The following AUH variants were observed in gnomAD, a reference collection of about 807,000 sequenced individuals.
AUH encodes methylglutaconyl-CoA hydratase, mitochondrial.
In AUH, 29 loss-of-function variants were observed where a neutral mutation model predicts 42.3. The ratio of observed to expected loss-of-function variants is 0.69; its 90% CI spans 0.51 to 0.93. AUH has a LOEUF of 0.93. Among genes scored for constraint, AUH ranks in the 40% least tolerant of loss-of-function variants. The pLI, the probability that AUH is intolerant of heterozygous loss-of-function variation, is 0.00. For missense variants in AUH, 452 were observed against 438.1 expected, an observed-to-expected ratio of 1.03 and a Z score of -0.28; for synonymous variants, 174 against 166.4, an observed-to-expected ratio of 1.05 and a Z score of -0.35.
chr9:91,236,627 G>A (rs1053307849), intron 6 of AUH, among the ~76,000 whole-genome samples: 2 of 152,154 alleles, frequency 1.3e-5, no homozygotes, highest in Non-Finnish European at 2.9e-5. Flanking sequence ...GCAGGAAATC[G>A]AGATTCAGAA....
intron 4 of AUH, among the ~76,000 whole-genome samples, chr9:91,305,837 T>C (rs1587821850): frequency 6.6e-6 from 1 of 151,942 alleles, no homozygotes; most frequent in Non-Finnish European, 1.5e-5. Context: ...GGTTTCAGGG[T>C]TTTGCTCTTA....
chr9:91,234,873 T>G (rs976227696), intron 6 of AUH, among the ~76,000 whole-genome samples: 1 of 144,798 alleles, frequency 6.9e-6, no homozygotes, highest in African/African-American at 2.6e-5. Flanking sequence ...TTAGATTGGG[T>G]GGTTGGAGAA....
intron 6 of AUH, among the ~76,000 whole-genome samples, chr9:91,240,248 T>A (rs1372156374): frequency 6.6e-6 from 1 of 152,190 alleles, no homozygotes; most frequent in Non-Finnish European, 1.5e-5. Flanking sequence ...TGTGCATCTG[T>A]CCATTCTTGG....
intron 6 of AUH, among the ~76,000 whole-genome samples, chr9:91,248,915 G>C (rs1042360449): frequency 6.6e-6 from 1 of 152,108 alleles, no homozygotes; most frequent in African/African-American, 2.4e-5. Context: ...TTTGGCTCAC[G>C]GTCAACACTG....
chr9:91,223,455 G>A (rs1048150156), intron 6 of AUH, among the ~76,000 whole-genome samples: 2 of 152,056 alleles, frequency 1.3e-5, no homozygotes, highest in African/African-American at 4.8e-5. Flanking sequence ...ACCACATTTT[G>A]CTTATCCATT....
intron 8 of AUH, 124 bp from the exon 9 acceptor site, chr9:91,216,230 A>G: frequency 2.1e-6 from 2 of 973,928 alleles, no homozygotes; most frequent in Non-Finnish European, 3.2e-6. Flanking sequence ...AGTACAGCAG[A>G]TCAGAGTGTG....
intron 6 of AUH, among the ~76,000 whole-genome samples, chr9:91,256,309 G>A (rs1829399940): frequency 6.6e-6 from 1 of 152,056 alleles, no homozygotes; most frequent in Non-Finnish European, 1.5e-5. Context: ...ACAGGAAGTG[G>A]GACTGACCTG....
chr9:91,333,383 T>A (rs1830475476), intron 3 of AUH, among the ~76,000 whole-genome samples: 1 of 152,240 alleles, frequency 6.6e-6, no homozygotes, highest in African/African-American at 2.4e-5. Flanking sequence ...TTAAATTAAT[T>A]TTTATTAAAT....
chr9:91,357,076 GAGTAAA>G (rs1832469585), intron 1 of AUH, among the ~76,000 whole-genome samples: 1 of 152,206 alleles, frequency 6.6e-6, no homozygotes, highest in African/African-American at 2.4e-5. Flanking sequence ...CTGCTCACAA[GAGTAAA>G]TTTGCAAGAA....
chr9:91,250,885 C>T (rs1017469304), intron 6 of AUH, among the ~76,000 whole-genome samples: 3 of 152,146 alleles, frequency 2.0e-5, no homozygotes, highest in African/African-American at 7.2e-5. Context: ...CAGATTTCTG[C>T]TCTAGAGGAC....
chr9:91,219,038 G>C (rs1450914982), intron 7 of AUH: 1 of 985,282 alleles, frequency 1.0e-6, no homozygotes, highest in Non-Finnish European at 1.2e-6. Flanking sequence ...CATGCACAGG[G>C]ACTGTGATGA....
intron 6 of AUH, among the ~76,000 whole-genome samples, chr9:91,293,055 A>T (rs1242655047): frequency 6.6e-6 from 1 of 152,222 alleles, no homozygotes; most frequent in Admixed American, 6.5e-5. Context: ...AACCACGCCC[A>T]CATAGGATGG....
At chr9:91,328,142 C>G (rs1376591242) in intron 3 of AUH, among the ~76,000 whole-genome samples, 1 of 152,168 alleles carries the variant, frequency 6.6e-6, no homozygotes, top group Non-Finnish European at 1.5e-5. Flanking sequence ...CAATCCATCC[C>G]CTTGTGCACT....
intron 3 of AUH, among the ~76,000 whole-genome samples, chr9:91,332,918 G>A (rs963599434): frequency 3.3e-5 from 5 of 152,108 alleles, no homozygotes; most frequent in East Asian, 3.9e-4. Flanking sequence ...TGCATCCTTC[G>A]TAGACCTCCC....
At chr9:91,342,765 G>A (rs1161279923) in intron 3 of AUH, 4 of 152,106 alleles carry the variant, frequency 2.6e-5, no homozygotes, top group African/African-American at 7.2e-5. Flanking sequence ...CATCTCTGAC[G>A]TGCTCAAATG....
chr9:91,353,820 CAAAAAAAAAAAAAAA>C (rs56842895), intron 3 of AUH, among the ~76,000 whole-genome samples: 8 of 27,650 alleles, frequency 2.9e-4, no homozygotes, highest in South Asian at 1.1e-3. Flanking sequence ...GACTCCGTCT[CAAAAAAAAAAAAAAA>C]AAAAAAAAAA....
At chr9:91,338,719 G>T (rs1221331427) in intron 3 of AUH, among the ~76,000 whole-genome samples, 5 of 152,144 alleles carry the variant, frequency 3.3e-5, no homozygotes, top group African/African-American at 1.2e-4. Flanking sequence ...ATTGTTAACT[G>T]CAAAAACTCA....
chr9:91,339,090 A>G (rs949729466), intron 3 of AUH, among the ~76,000 whole-genome samples: 2 of 152,238 alleles, frequency 1.3e-5, no homozygotes, highest in Admixed American at 6.5e-5. Context: ...TTAGTATTGT[A>G]TATTACAGTA....
chr9:91,340,841 G>T (rs1409614453), intron 3 of AUH, among the ~76,000 whole-genome samples: 4 of 152,168 alleles, frequency 2.6e-5, no homozygotes, highest in African/African-American at 7.2e-5. Flanking sequence ...CAGCCTGCAG[G>T]CCAGTCTGCA....
Sources: gnomAD v4.1 joint callset for allele counts (sites outside exome capture counted in the v4.1 genomes callset) on GRCh38, gnomAD v4.1.1 for gene constraint, MANE v1.5 for transcripts, NCBI Gene and HGNC (gene_info 2026-07-23, HGNC 2026-07-21) for gene names.